VPS18: variants seen among roughly 807,000 people sequenced by gnomAD.
VPS18 encodes the protein VPS18 core subunit of CORVET and HOPS complexes.
VPS18 carries 25 observed loss-of-function variants against 82.0 expected under a neutral mutation model. The observed-to-expected ratio is 0.30, with a 90% confidence interval of 0.22 to 0.43. The LOEUF is 0.43. Ranked by LOEUF, VPS18 falls within the 20% of genes least tolerant of loss-of-function variation. The probability of loss-of-function intolerance (pLI) is 1.00; values close to 1 mark genes in which losing one functional copy is unlikely to be tolerated. For synonymous variants in VPS18, 523 were observed against 543.0 expected, an observed-to-expected ratio of 0.96 and a Z score of 0.51; for missense variants, 1,168 against 1,311.1, an observed-to-expected ratio of 0.89 and a Z score of 1.69.
chr15:40,900,783 G>A lies in VPS18; in HGVS notation c.1965G>A (p.Val655=), dbSNP rs747921517. ...AIRYMEFCVN[V]LGETEQAIHN... Reference sequence around the variant, plus strand: ...GCTACATGGAGTTCTGCGTGAACGTGCTGGGGGAGACTGAGCAGGCCATCC... The same window carrying A: ...GCTACATGGAGTTCTGCGTGAACGTACTGGGGGAGACTGAGCAGGCCATCC... The change falls in exon 4 of 5, where the codon GTG becomes GTA. Residue 655 remains valine (V), a synonymous_variant. Transcript: ENST00000220509. This position sits in a 1 kb window ranked among gnomAD's most constrained non-coding sequence, Gnocchi z 5.4. 6 of 1,614,096 alleles carry A rather than the reference G, an allele frequency of 3.7e-6. No homozygotes were observed. The Admixed American group carries it at 1.0e-4, about 27-fold the overall frequency.
chr15:40,898,935 A>G lies in VPS18; in HGVS notation c.262A>G (p.Asn88Asp), dbSNP rs1185315941. ...TGACTTGGGCAAGGCAAATGAGCCC[A>G]ACCACGTGGAGCTGGGACGTAAGGA... ...RIDLGKANEP[N>D]HVELGRKDDA... The change falls in exon 3 of 5, where the codon AAC becomes GAC. Residue 88 changes from asparagine (N) to aspartate (D), a missense_variant. Around this residue, in one of 3 missense-constraint regions of VPS18, gnomAD observed 868 missense variants for 939.8 expected, o/e 0.92. Coordinates refer to ENST00000220509, the MANE Select transcript of VPS18 (RefSeq NM_020857.3). 5 of 1,614,022 alleles carry G rather than the reference A, an allele frequency of 3.1e-6. No homozygotes were observed. Among genetic ancestry groups the G allele is most frequent in the Non-Finnish European group, 4.2e-6 (5 of 1,180,030 alleles).
Position 40,900,715 on chromosome 15 carries a change from T to G in VPS18, c.1897T>G (p.Tyr633Asp), listed in dbSNP as rs1566870487. 6.2e-7 allele frequency: 1 copy of G among 1,614,174 alleles called. No individual in the cohort carries two copies. Among genetic ancestry groups the G allele is most frequent in the Admixed American group, 1.7e-5 (1 of 60,024 alleles). The change falls in exon 4 of 5, where the codon TAC (tyrosine) becomes GAC (aspartate). Residue 633 changes from tyrosine to aspartate, a missense_variant. This residue lies in a region of VPS18 where 868 missense variants were observed against 939.8 expected (regional missense o/e 0.92). Transcript: ENST00000220509. The surrounding 1 kb of genome is among the most constrained non-coding windows in gnomAD (Gnocchi z 5.4). ...TCAGCTCATTCCTGCCCTGGTGAAC[T>G]ACAGCCAGGGTGGTGAGGTCCAGCA... ...ARQLIPALVN[Y>D]SQGGEVQQVS...
chr15:40,898,332 C>G (rs929926779), intron 2 of VPS18, among the ~76,000 whole-genome samples: 4 of 151,916 alleles, frequency 2.6e-5, no homozygotes, highest in African/African-American at 9.7e-5. Flanking sequence ...CTCCTGGGCT[C>G]AAGCTATCCT....
Position 40,902,443 on chromosome 15 carries a change from G to A in VPS18, c.2197-173G>A, listed in dbSNP as rs1892374907. 6.6e-6 allele frequency among the ~76,000 whole-genome samples: 1 copy of A among 152,218 alleles called. No individual in the cohort carries two copies. The highest frequency in any genetic ancestry group is 6.5e-5 in the Admixed American group (1 of 15,278). ...GGTGATTTCTAACTTCACTAAAATT[G>A]GAGCCCTACTACTCTAAGTAGCTTT... On this transcript the variant is annotated intron_variant, in intron 4 of 4. Coordinates refer to ENST00000220509, the MANE Select transcript of VPS18 (RefSeq NM_020857.3). The surrounding 1 kb of genome is among the most constrained non-coding windows in gnomAD (Gnocchi z 4.2).
At chr15:40,901,767 G>A (rs567921849) in intron 4 of VPS18, among the ~76,000 whole-genome samples, 7 of 151,242 alleles carry the variant, frequency 4.6e-5, no homozygotes, top group South Asian at 4.2e-4. Context: ...TTAGCTGGGC[G>A]TGGTGGCACG....
In VPS18 at chr15:40,901,020, C is replaced by T; in HGVS notation, c.2196+6C>T. The T allele has an allele frequency of 1.3e-6, 2 of 1,594,160 alleles. No individual in the cohort carries two copies. The highest frequency in any genetic ancestry group is 1.7e-6 in the Non-Finnish European group (2 of 1,172,984). ...CCGTGGACCTGGCCCTGCAGGTAAG[C>T]CAGTACGTCTTGACCCCAGCTGGGA... On this transcript the variant is annotated splice_donor_region_variant and intron_variant, in intron 4 of 4. Transcript: ENST00000220509.
In VPS18 at chr15:40,902,646, G is replaced by C. The variant is rs1566871343; in HGVS notation, c.2227G>C (p.Asp743His). 1 of 1,614,094 alleles carries C rather than the reference G, an allele frequency of 6.2e-7. No homozygotes were observed. The change falls in exon 5 of 5, where the codon GAC becomes CAC. Residue 743 changes from aspartate to histidine, a missense_variant. By Grantham distance (81) the Asp-to-His change is moderately conservative. This residue lies in a region of VPS18 where 296 missense variants were observed against 354.0 expected (regional missense o/e 0.84). Transcript: ENST00000220509. This position sits in a 1 kb window ranked among gnomAD's most constrained non-coding sequence, Gnocchi z 4.2. ...VDVDLAKQCADLPEEDEELRK... is the reference protein window; with the variant it reads ...VDVDLAKQCAHLPEEDEELRK... Reference sequence around the variant, plus strand: ...TGTGGACCTGGCCAAGCAGTGTGCAGACCTGCCTGAGGAGGATGAGGAATT... The same window carrying C: ...TGTGGACCTGGCCAAGCAGTGTGCACACCTGCCTGAGGAGGATGAGGAATT...
rs1892367191 is a variant in VPS18 at position 40,902,038 on chromosome 15, G to A, written c.2197-578G>A. Among the ~76,000 whole-genome samples, 2 of 152,156 alleles carry A rather than the reference G, an allele frequency of 1.3e-5. No individual in the cohort carries two copies. Among genetic ancestry groups the A allele is most frequent in the Non-Finnish European group, 2.9e-5 (2 of 68,028 alleles). On this transcript the variant is annotated intron_variant, in intron 4 of 4. Coordinates refer to ENST00000220509, the MANE Select transcript of VPS18 (RefSeq NM_020857.3). This position sits in a 1 kb window ranked among gnomAD's most constrained non-coding sequence, Gnocchi z 4.2. Reference sequence around the variant, plus strand: ...CCTGAACTCAGGACTTACTGAATCAGAATGTCTGGGGGCAGGGCTCAAAAA... The same window carrying A: ...CCTGAACTCAGGACTTACTGAATCAAAATGTCTGGGGGCAGGGCTCAAAAA...
At position 40,902,743 on chromosome 15, in the gene VPS18, C is replaced by G. The variant is rs781068647; in HGVS notation, c.2324C>G (p.Ala775Gly). The G allele has an allele frequency of 6.2e-7, 1 of 1,614,268 alleles. No individual in the cohort carries two copies. Among genetic ancestry groups the G allele is most frequent in the Admixed American group, 1.7e-5 (1 of 60,030 alleles). ...GAGGAAGATGTACAGACAGCCATGG[C>G]TTGCCTGGCTAGCTGCCCCTTGCTC... ...QEEEDVQTAM[A>G]CLASCPLLKI... Residue 775 changes from alanine to glycine, a missense_variant, in exon 5 of 5, where the codon GCT becomes GGT. This residue lies in a region of VPS18 where 296 missense variants were observed against 354.0 expected (regional missense o/e 0.84). Coordinates refer to ENST00000220509, the MANE Select transcript of VPS18 (RefSeq NM_020857.3). The surrounding 1 kb of genome is among the most constrained non-coding windows in gnomAD (Gnocchi z 4.2).
At chr15:40,896,110 G>A in intron 2 of VPS18, 31 bp downstream of exon 2, 1 of 1,613,302 alleles carries the variant, frequency 6.2e-7, no homozygotes, top group Non-Finnish European at 8.5e-7. Context: ...CTTAGGAGTA[G>A]GGACTAGAGA....
chr15:40,897,960 CT>C (rs1381434191), intron 2 of VPS18, among the ~76,000 whole-genome samples: 2 of 151,908 alleles, frequency 1.3e-5, no homozygotes, highest in Non-Finnish European at 2.9e-5. Flanking sequence ...TGTCTTTTTT[CT>C]TTTCTTTTTC....
intron 2 of VPS18, among the ~76,000 whole-genome samples, chr15:40,896,875 A>G (rs1892239381): frequency 6.6e-6 from 1 of 152,030 alleles, no homozygotes; most frequent in South Asian, 2.1e-4. Flanking sequence ...TAAGAGTATT[A>G]GAGTATTGAT....
In VPS18 at chr15:40,903,376, G is replaced by A; in HGVS notation, c.*35G>A. 6.6e-7 allele frequency: 1 copy of A among 1,515,228 alleles called. No individual in the cohort carries two copies. The highest frequency in any genetic ancestry group is 8.8e-7 in the Non-Finnish European group (1 of 1,132,790). The allele number at this position is 1,515,228 out of a possible 1,614,324, so 93.9% of individuals were successfully genotyped here. A position where few individuals can be genotyped will look rare whatever the true frequency, so the allele number is the denominator to read the frequency against. ...ACCTTTGATGGGGGGTGGGCAATGG[G>A]GAGCAGTGGCTTGAACCCACTTGAG... On this transcript the variant is annotated 3_prime_UTR_variant, in exon 5 of 5. Transcript: ENST00000220509.
Position 40,900,812 on chromosome 15 carries a change from A to G in VPS18, c.1994A>G (p.Asn665Ser). 2 of 1,614,170 alleles carry G rather than the reference A, an allele frequency of 1.2e-6. No homozygotes were observed. Among genetic ancestry groups the G allele is most frequent in the Non-Finnish European group, 1.7e-6 (2 of 1,180,030 alleles). Residue 665 changes from asparagine (N) to serine (S), a missense_variant, in exon 4 of 5, where the codon AAC becomes AGC. Asn to Ser is a conservative substitution (Grantham distance 46, BLOSUM62 1). Coordinates refer to ENST00000220509, the MANE Select transcript of VPS18 (RefSeq NM_020857.3). The surrounding 1 kb of genome is among the most constrained non-coding windows in gnomAD (Gnocchi z 5.4). ...GGGGAGACTGAGCAGGCCATCCACAACTACCTGCTGTCACTGTATGCCCGT... is the reference window on the plus strand; with the variant it reads ...GGGGAGACTGAGCAGGCCATCCACAGCTACCTGCTGTCACTGTATGCCCGT... ...VLGETEQAIH[N>S]YLLSLYARGR...
Position 40,899,604 on chromosome 15 carries a change from C to G in VPS18, c.786C>G (p.Pro262=). The G allele has an allele frequency of 6.2e-7, 1 of 1,610,148 alleles. No individual in the cohort carries two copies. The highest frequency in any genetic ancestry group is 8.5e-7 in the Non-Finnish European group (1 of 1,180,026). ...ACCCACCCCCATTCCGTGAGTTTCC[C>G]AGCAACCTGGGCTACAGTGAGTTGG... ...TDHPPPFREF[P]SNLGYSELAF... The change falls in exon 4 of 5, where the codon CCC becomes CCG. Residue 262 remains proline (P), a synonymous_variant. Coordinates refer to ENST00000220509, the MANE Select transcript of VPS18 (RefSeq NM_020857.3). This position sits in a 1 kb window ranked among gnomAD's most constrained non-coding sequence, Gnocchi z 4.4.
chr15:40,899,987 A>G lies in VPS18; in HGVS notation c.1169A>G (p.His390Arg). 1 of 1,614,062 alleles carries G rather than the reference A, an allele frequency of 6.2e-7. No homozygotes were observed. Among genetic ancestry groups the G allele is most frequent in the Non-Finnish European group, 8.5e-7 (1 of 1,180,036 alleles). The stretch of plus-strand genomic sequence containing the variant: ...ACTGAGCGGGCTGTCTTCCGCTACC[A>G]CGTGCAACGGGAGGCCCGAGATGTC... ...AYTERAVFRY[H>R]VQREARDVWR... is the part of the protein sequence containing the mutation. The change falls in exon 4 of 5, where the codon CAC (histidine) becomes CGC (arginine). Residue 390 changes from histidine to arginine, a missense_variant. Physicochemically the swap from His to Arg is conservative, Grantham distance 29. Around this residue, in one of 3 missense-constraint regions of VPS18, gnomAD observed 868 missense variants for 939.8 expected, o/e 0.92. Coordinates refer to ENST00000220509, the MANE Select transcript of VPS18 (RefSeq NM_020857.3). This position sits in a 1 kb window ranked among gnomAD's most constrained non-coding sequence, Gnocchi z 4.4.
Position 40,898,037 on chromosome 15 carries a change from G to A in VPS18, c.234-870G>A, listed in dbSNP as rs146034625. On this transcript the variant is annotated intron_variant, in intron 2 of 4. Coordinates refer to ENST00000220509, the MANE Select transcript of VPS18 (RefSeq NM_020857.3). ...GCTGGAGTGCAGTGCCTCGATCTCG[G>A]CTTACTGCAAGCTCCGCCTCCCGGG... Among the ~76,000 whole-genome samples the A allele has an allele frequency of 5.2e-3, 796 of 152,250 alleles. 10 individuals carry two copies. Among genetic ancestry groups the A allele is most frequent in the African/African-American group, 0.019 (775 of 41,542 alleles).
Position 40,899,765 on chromosome 15 carries a change from A to T in VPS18, c.947A>T (p.Glu316Val), listed in dbSNP as rs1321877470. The T allele has an allele frequency of 6.2e-7, 1 of 1,613,254 alleles. No homozygotes were observed. Among genetic ancestry groups the T allele is most frequent in the South Asian group, 1.1e-5 (1 of 91,092 alleles). ...LSEERVWEYP[E>V]GVGPGASPPL... ...GAGGAGCGAGTCTGGGAGTACCCAG[A>T]GGGGGTAGGGCCTGGGGCCAGCCCA... Residue 316 changes from glutamate to valine, a missense_variant, in exon 4 of 5, where the codon GAG (glutamate) becomes GTG (valine). Glu to Val is a moderately radical substitution (Grantham distance 121). This residue lies in a region of VPS18 where 868 missense variants were observed against 939.8 expected (regional missense o/e 0.92). Coordinates refer to ENST00000220509, the MANE Select transcript of VPS18 (RefSeq NM_020857.3). This position sits in a 1 kb window ranked among gnomAD's most constrained non-coding sequence, Gnocchi z 4.4.
chr15:40,899,373 T>C lies in VPS18; in HGVS notation c.555T>C (p.Ala185=), dbSNP rs1336163393. The C allele has an allele frequency of 1.2e-6, 2 of 1,610,568 alleles. No homozygotes were observed. Among genetic ancestry groups the C allele is most frequent in the Admixed American group, 1.7e-5 (1 of 59,962 alleles). ...SASEGGLFGP[A]PDLYFRPLYV... Reference sequence around the variant, plus strand: ...GCGAAGGTGGGCTTTTCGGCCCTGCTCCGGATCTCTACTTCCGCCCATTGT... The same window carrying C: ...GCGAAGGTGGGCTTTTCGGCCCTGCCCCGGATCTCTACTTCCGCCCATTGT... Residue 185 remains alanine, a synonymous_variant, in exon 4 of 5, where the codon GCT becomes GCC. Coordinates refer to ENST00000220509, the MANE Select transcript of VPS18 (RefSeq NM_020857.3). The surrounding 1 kb of genome is among the most constrained non-coding windows in gnomAD (Gnocchi z 4.4).
Sources: gnomAD v4.1 joint callset for allele counts (sites outside exome capture counted in the v4.1 genomes callset) on GRCh38, gnomAD v4.1.1 for gene constraint, gnomAD v4.1.1 regional missense constraint, Gnocchi (gnomAD v3.1) non-coding constraint, MANE v1.5 for transcripts, NCBI Gene and HGNC (gene_info 2026-07-23, HGNC 2026-07-21) for gene names.